TEK: variants seen among roughly 807,000 people sequenced by gnomAD.
TEK encodes the protein TEK receptor tyrosine kinase.
TEK carries 43 observed loss-of-function variants against 131.8 expected under a neutral mutation model. The observed-to-expected ratio is 0.33, with a 90% CI of 0.26 to 0.42. The LOEUF (loss-of-function observed/expected upper bound fraction) is 0.42, where lower values mean the gene tolerates loss of function less well. TEK is among the 10% of genes least tolerant of loss of function. The pLI is 1.00. For synonymous variants in TEK, 580 were observed against 491.6 expected (o/e 1.18, Z -2.38); for missense variants, 1,162 against 1,384.4 (o/e 0.84, Z 2.55).
At chr9:27,180,711 A>G (rs776186049) in intron 7 of TEK, among the ~76,000 whole-genome samples, 19 of 152,134 alleles carry the variant, frequency 1.2e-4, no homozygotes, top group Admixed American at 5.2e-4. Context: ...GCAATTTGGG[A>G]TGGATTTAGA....
chr9:27,208,195 T>G (rs1825468923), intron 15 of TEK, among the ~76,000 whole-genome samples: 1 of 152,186 alleles, frequency 6.6e-6, no homozygotes, highest in Admixed American at 6.5e-5. Context: ...TCCCAAGATA[T>G]TGACCCTCCA....
intron 2 of TEK, 140 bp downstream of exon 2, chr9:27,158,282 C>T (rs1653555178): frequency 1.0e-6 from 1 of 978,464 alleles, no homozygotes; most frequent in Non-Finnish European, 1.6e-6. Context: ...TCTTTCCATG[C>T]ATCACCGTGT....
intron 2 of TEK, among the ~76,000 whole-genome samples, chr9:27,161,519 G>A (rs78461202): frequency 0.1 from 15,193 of 152,266 alleles, 952 homozygotes; most frequent in Non-Finnish European, 0.13. Context: ...CTTGTAAATG[G>A]TGGGAATGGC....
intron 6 of TEK, among the ~76,000 whole-genome samples, chr9:27,175,182 C>T (rs1824117891): frequency 7.1e-6 from 1 of 140,094 alleles, no homozygotes; most frequent in South Asian, 2.4e-4. Context: ...GTTCCCCTTC[C>T]TGTGTTCATG....
At chr9:27,151,061 G>A (rs1259109922) in intron 1 of TEK, among the ~76,000 whole-genome samples, 1 of 152,116 alleles carries the variant, frequency 6.6e-6, no homozygotes, top group Non-Finnish European at 1.5e-5. Context: ...GGATAACTCT[G>A]AACTCCCAGC....
chr9:27,118,620 G>A (rs59591124), intron 1 of TEK, among the ~76,000 whole-genome samples: 3,511 of 152,278 alleles, frequency 0.023, 131 homozygotes, highest in African/African-American at 0.08. Context: ...GAGTGACATA[G>A]TGAGACCTCA....
intron 1 of TEK, among the ~76,000 whole-genome samples, chr9:27,126,417 G>T (rs1334809): frequency 0.15 from 22,671 of 152,096 alleles, 2,591 homozygotes; most frequent in East Asian, 0.6. Context: ...ATAGTATGAG[G>T]GCTGAGCAGA....
At chr9:27,226,049 T>C (rs1387485196) in intron 21 of TEK, among the ~76,000 whole-genome samples, 1 of 152,194 alleles carries the variant, frequency 6.6e-6, no homozygotes, top group East Asian at 1.9e-4. Context: ...TCACACCAGT[T>C]AGAATAGCAA....
At chr9:27,135,337 A>G (rs998421104) in intron 1 of TEK, among the ~76,000 whole-genome samples, 1 of 151,974 alleles carries the variant, frequency 6.6e-6, no homozygotes, top group Non-Finnish European at 1.5e-5. Flanking sequence ...AAATGCCACC[A>G]CAAACATTAG....
chr9:27,218,925 T>A, intron 20 of TEK, 108 bp downstream of exon 20: 1 of 1,109,354 alleles, frequency 9.0e-7, no homozygotes, highest in Non-Finnish European at 1.4e-6. Flanking sequence ...TATGTGGTTC[T>A]ACCAGATGTG....
intron 13 of TEK, among the ~76,000 whole-genome samples, 185 bp from the exon 14 acceptor site, chr9:27,204,726 T>G (rs1825342501): frequency 6.6e-6 from 1 of 151,868 alleles, no homozygotes; most frequent in Non-Finnish European, 1.5e-5. Context: ...TACAACCCTG[T>G]GAGTCAGACT....
At chr9:27,229,011 C>A in intron 22 of TEK, 147 bp from the exon 23 acceptor site, 1 of 744,372 alleles carries the variant, frequency 1.3e-6, no homozygotes, top group South Asian at 1.4e-5. Flanking sequence ...TCAAATACAA[C>A]AGAGGGACTG....
chr9:27,132,349 G>A (rs987295137), intron 1 of TEK, among the ~76,000 whole-genome samples: 4 of 152,104 alleles, frequency 2.6e-5, no homozygotes, highest in African/African-American at 9.7e-5. Flanking sequence ...GCCTCCGAAA[G>A]TGTGATTTTT....
intron 1 of TEK, among the ~76,000 whole-genome samples, chr9:27,135,430 C>A (rs1220342753): frequency 6.6e-6 from 1 of 152,028 alleles, no homozygotes; most frequent in Non-Finnish European, 1.5e-5. Flanking sequence ...GAAAAAAATC[C>A]TGTTTCTCTT....
At position 27,176,254 on chromosome 9, in the gene TEK, A is replaced by G. The variant is rs75523880; in HGVS notation, c.901+2892A>G. ...AGGGCTGGTTTCTATCTGAGGAAAT[A>G]AGCAATAATAGAAATTTTTGAAGCA... On this transcript the variant is annotated intron_variant, in intron 6 of 22. Coordinates refer to ENST00000380036, the MANE Select transcript of TEK (RefSeq NM_000459.5). Among the ~76,000 whole-genome samples the G allele has an allele frequency of 9.8e-3, 1,492 of 152,326 alleles. 27 individuals carry two copies. The highest frequency in any genetic ancestry group is 0.034 in the African/African-American group (1,410 of 41,568).
chr9:27,195,754 A>G, intron 11 of TEK: 1 of 449,710 alleles, frequency 2.2e-6, no homozygotes, highest in South Asian at 1.6e-5. Flanking sequence ...AAGCATTTTC[A>G]CATCCATTTT....
In TEK at chr9:27,190,645, C is replaced by G. The variant is rs1275357194; in HGVS notation, c.1444C>G (p.Leu482Val). The G allele has an allele frequency of 6.2e-7, 1 of 1,613,998 alleles. No homozygotes were observed. Among genetic ancestry groups the G allele is most frequent in the Non-Finnish European group, 8.5e-7 (1 of 1,179,906 alleles). The change falls in exon 10 of 23, where the codon CTA (leucine) becomes GTA (valine). Residue 482 changes from leucine to valine, a missense_variant. By Grantham distance (32) the Leu-to-Val change is conservative. Coordinates refer to ENST00000380036, the MANE Select transcript of TEK (RefSeq NM_000459.5). ...TGGACCAATCAAATCCAAGAAGCTTCTATACAAACCCGTTAATCACTATGA... is the reference window on the plus strand; with the variant it reads ...TGGACCAATCAAATCCAAGAAGCTTGTATACAAACCCGTTAATCACTATGA... The part of the protein sequence containing the change: ...GDGPIKSKKL[L>V]YKPVNHYEAW...
intron 21 of TEK, among the ~76,000 whole-genome samples, chr9:27,220,613 C>A (rs1308848070): frequency 6.6e-6 from 1 of 152,222 alleles, no homozygotes; most frequent in African/African-American, 2.4e-5. Flanking sequence ...CCCGGCTCAT[C>A]TCATAGGGAC....
intron 13 of TEK, among the ~76,000 whole-genome samples, chr9:27,204,314 T>C (rs1825325056): frequency 6.6e-6 from 1 of 152,230 alleles, no homozygotes; most frequent in Admixed American, 6.5e-5. Context: ...GAAATAGATT[T>C]GACCATAGTC....
Sources: allele counts gnomAD v4.1 joint callset (sites outside exome capture counted in the v4.1 genomes callset), GRCh38; gene constraint gnomAD v4.1.1; transcripts MANE v1.5; gene names NCBI Gene and HGNC (gene_info 2026-07-23, HGNC 2026-07-21).